Variants in PC observed in about 807,000 individuals in gnomAD.
The protein encoded by PC is pyruvate carboxylase, mitochondrial.
In PC, 46 loss-of-function variants were observed where a neutral mutation model predicts 107.8. The ratio of observed to expected loss-of-function variants is 0.43; its 90% CI spans 0.34 to 0.55. The LOEUF is 0.55. PC is among the 20% of genes least tolerant of loss of function. The probability of loss-of-function intolerance (pLI) is 0.04; values close to 1 mark genes in which losing one functional copy is unlikely to be tolerated. For missense variants in PC, 1,241 were observed against 1,643.1 expected, an observed-to-expected ratio of 0.76 and a Z score of 4.23; for synonymous variants, 662 against 684.7, an observed-to-expected ratio of 0.97 and a Z score of 0.52.
At chr11:66,883,014 A>G (rs1175510080) in intron 3 of PC, among the ~76,000 whole-genome samples, 1 of 152,226 alleles carries the variant, frequency 6.6e-6, no homozygotes, top group Non-Finnish European at 1.5e-5. Context: ...AAACAGACAC[A>G]GCACGGGTGC....
At chr11:66,937,923 C>A (rs1306835963) in intron 3 of PC, among the ~76,000 whole-genome samples, 1 of 151,928 alleles carries the variant, frequency 6.6e-6, no homozygotes, top group Admixed American at 6.6e-5. Flanking sequence ...ACTACAGGTG[C>A]GTGCCACCAC....
chr11:66,868,813 C>A (rs1183811716), intron 10 of PC, 33 bp downstream of exon 10: 2 of 1,542,678 alleles, frequency 1.3e-6, no homozygotes, highest in Non-Finnish European at 9.0e-7. Flanking sequence ...CTAGAAGCCG[C>A]GCCTCCCGCC....
chr11:66,931,460 T>C (rs573976440), intron 3 of PC, among the ~76,000 whole-genome samples: 3 of 151,132 alleles, frequency 2.0e-5, no homozygotes, highest in Non-Finnish European at 4.4e-5. Context: ...GGGGCTTATA[T>C]GGTCCTAACC....
chr11:66,929,716 T>G (rs1948801297), intron 3 of PC, among the ~76,000 whole-genome samples: 1 of 152,020 alleles, frequency 6.6e-6, no homozygotes, highest in Middle Eastern at 3.2e-3. Context: ...GAGGTCTCAC[T>G]ATGTTGCCCA....
intron 12 of PC, among the ~76,000 whole-genome samples, chr11:66,855,926 G>C (rs941480926): frequency 2.6e-5 from 4 of 152,264 alleles, no homozygotes; most frequent in African/African-American, 7.2e-5. Context: ...GTTTCCCCGA[G>C]TTTCCTGCCA....
At chr11:66,860,568 A>G in intron 12 of PC, 1 of 701,324 alleles carries the variant, frequency 1.4e-6, no homozygotes, top group East Asian at 2.7e-5. Context: ...TGGGGCTACC[A>G]GGGCCGGTGG....
chr11:66,937,488 G>A (rs1949027608), intron 3 of PC, among the ~76,000 whole-genome samples: 1 of 152,144 alleles, frequency 6.6e-6, no homozygotes, highest in African/African-American at 2.4e-5. Context: ...TGAGCTTCCT[G>A]AGTGGGTAGG....
chr11:66,857,471 G>A lies in PC; in HGVS notation c.1369-4088C>T. ...AGTTCCGGGACCCTCCCTGCTCTCGGTCCTCCTCCGCTTCCTGCCTCATGC... is the reference window on the plus strand; with the variant it reads ...AGTTCCGGGACCCTCCCTGCTCTCGATCCTCCTCCGCTTCCTGCCTCATGC... On this transcript the variant is annotated intron_variant, in intron 12 of 22. Coordinates refer to ENST00000393960, the MANE Select transcript of PC (RefSeq NM_001040716.2). The surrounding 1 kb of genome is among the most constrained non-coding windows in gnomAD (Gnocchi z 7.1). 1 of 431,926 alleles carries A rather than the reference G, an allele frequency of 2.3e-6. No individual in the cohort carries two copies. The highest frequency in any genetic ancestry group is 4.1e-6 in the Non-Finnish European group (1 of 244,712). The allele number at this position is 431,926 out of a possible 1,614,324, so 26.8% of individuals were successfully genotyped here.
chr11:66,903,463 G>A (rs1286059712), intron 3 of PC, among the ~76,000 whole-genome samples: 1 of 151,498 alleles, frequency 6.6e-6, no homozygotes, highest in Admixed American at 6.6e-5. Context: ...TTTTTGGCTG[G>A]GCGTGGTGGC....
At chr11:66,877,471 C>T (rs191628176) in intron 3 of PC, among the ~76,000 whole-genome samples, 9 of 152,136 alleles carry the variant, frequency 5.9e-5, no homozygotes, top group African/African-American at 1.7e-4. Flanking sequence ...GGGTGCATCA[C>T]GAGGTCAGGA....
chr11:66,917,695 C>T (rs1460861114), intron 3 of PC, among the ~76,000 whole-genome samples: 2 of 152,220 alleles, frequency 1.3e-5, no homozygotes, highest in African/African-American at 4.8e-5. Context: ...TGCCTGTCCA[C>T]TGCTCTGGTG....
At chr11:66,943,496 T>C (rs1167402584) in intron 3 of PC, among the ~76,000 whole-genome samples, 4 of 151,480 alleles carry the variant, frequency 2.6e-5, no homozygotes, top group Non-Finnish European at 5.9e-5. Context: ...CCCAACACTT[T>C]GGGAGGCCGA....
chr11:66,941,563 C>T (rs1246206792), intron 3 of PC, among the ~76,000 whole-genome samples: 3 of 152,116 alleles, frequency 2.0e-5, no homozygotes, highest in African/African-American at 7.2e-5. Context: ...GCCATCTCGG[C>T]TCACTGCAAG....
At chr11:66,948,240 TACAAGCA>T (rs1037790266) in intron 3 of PC, among the ~76,000 whole-genome samples, 2 of 150,538 alleles carry the variant, frequency 1.3e-5, no homozygotes, top group African/African-American at 4.9e-5. Flanking sequence ...GAACTATCAA[TACAAGCA>T]ACAACATGGA....
At chr11:66,929,831 C>A (rs1470112130) in intron 3 of PC, among the ~76,000 whole-genome samples, 1 of 152,082 alleles carries the variant, frequency 6.6e-6, no homozygotes, top group Non-Finnish European at 1.5e-5. Flanking sequence ...TAAATTTTGT[C>A]TTAAAAGCAT....
Position 66,848,731 on chromosome 11 carries a change from G to T in PC, c.*168C>A. 1 of 773,690 alleles carries T rather than the reference G, an allele frequency of 1.3e-6. No individual in the cohort carries two copies. The highest frequency in any genetic ancestry group is 2.1e-6 in the Non-Finnish European group (1 of 466,422). The allele number at this position is 773,690 out of a possible 1,614,324, so 47.9% of individuals were successfully genotyped here. ...CTGTCCGCCGGAGGAAAGGACGATG[G>T]CTGAAAGGAATGAACCACCGCAGGC... On this transcript the variant is annotated 3_prime_UTR_variant, in exon 23 of 23. Transcript: ENST00000393960.
In PC at chr11:66,858,786, G is replaced by C; in HGVS notation, c.1368+4988C>G. ...GGTGACCGGCGCTGGGGACGCTGGG[G>C]GCTACACCTGCATCGCCACCAACCC... On this transcript the variant is annotated intron_variant, in intron 12 of 22. Coordinates refer to ENST00000393960, the MANE Select transcript of PC (RefSeq NM_001040716.2). This position sits in a 1 kb window ranked among gnomAD's most constrained non-coding sequence, Gnocchi z 5.9. 1 of 1,550,038 alleles carries C rather than the reference G, an allele frequency of 6.5e-7. No individual in the cohort carries two copies. Among genetic ancestry groups the C allele is most frequent in the Non-Finnish European group, 8.7e-7 (1 of 1,147,552 alleles).
In PC at chr11:66,852,378, TG is replaced by T. The variant is rs566797118; in HGVS notation, c.1825+60del. 8.2e-5 allele frequency: 111 copies of T among 1,349,284 alleles called. 3 individuals carry two copies. In the South Asian group the frequency reaches 1.2e-3, roughly 14 times the overall value. 83.6% of individuals were successfully genotyped at this position (1,349,284 alleles called of 1,614,324 possible). ...GCTTGTCCCCAGTGGCCTAAGCCTGTGGGACTGGCCACAGAGCGGGCGCCCA... is the reference window on the plus strand; with the variant it reads ...GCTTGTCCCCAGTGGCCTAAGCCTGTGGACTGGCCACAGAGCGGGCGCCCA... On this transcript the variant is annotated intron_variant, in intron 15 of 22. Coordinates refer to ENST00000393960, the MANE Select transcript of PC (RefSeq NM_001040716.2). The surrounding 1 kb of genome is among the most constrained non-coding windows in gnomAD (Gnocchi z 4.7).
chr11:66,950,739 T>C (rs1949415653), intron 3 of PC, among the ~76,000 whole-genome samples: 1 of 152,134 alleles, frequency 6.6e-6, no homozygotes, highest in South Asian at 2.1e-4. Flanking sequence ...ATATGGCAAT[T>C]TTAAAAGAAG....
Sources: allele counts gnomAD v4.1 joint callset (sites outside exome capture counted in the v4.1 genomes callset), GRCh38; gene constraint gnomAD v4.1.1; non-coding constraint Gnocchi (gnomAD v3.1); transcripts MANE v1.5; gene names NCBI Gene and HGNC (gene_info 2026-07-23, HGNC 2026-07-21).